NBEA: variants seen among roughly 807,000 people sequenced by gnomAD.
The protein encoded by NBEA is lysosomal-trafficking regulator 2.
A neutral mutation model predicts 343.4 loss-of-function variants in NBEA; 44 were observed. The observed-to-expected ratio is 0.13, with a 90% CI of 0.10 to 0.16. The LOEUF is 0.16. Ranked by LOEUF, NBEA falls within the 10% of genes least tolerant of loss-of-function variation. NBEA has a pLI of 1.00. For missense variants in NBEA, 2,555 were observed against 3,631.3 expected, an observed-to-expected ratio of 0.70 and a Z score of 7.62; for synonymous variants, 1,175 against 1,238.7, an observed-to-expected ratio of 0.95 and a Z score of 1.08.
intron 39 of NBEA, among the ~76,000 whole-genome samples, chr13:35,433,638 C>T (rs924981619): frequency 6.6e-6 from 1 of 151,624 alleles, no homozygotes; most frequent in African/African-American, 2.4e-5. Context: ...AACTGTTATA[C>T]CTAAGATAAA....
chr13:35,665,213 A>G (rs766031503), intron 56 of NBEA, 27 bp downstream of exon 56: 14 of 1,524,674 alleles, frequency 9.2e-6, no homozygotes, highest in African/African-American at 8.2e-5. Context: ...TTCATTTTCA[A>G]TGTCTAGAAG....
intron 40 of NBEA, among the ~76,000 whole-genome samples, chr13:35,456,500 A>G (rs2046586265): frequency 6.6e-6 from 1 of 152,078 alleles, no homozygotes; most frequent in East Asian, 1.9e-4. Context: ...GTGACTAAAG[A>G]TTTCAATTTA....
chr13:35,190,872 A>G (rs1478286596), intron 30 of NBEA, among the ~76,000 whole-genome samples: 1 of 152,164 alleles, frequency 6.6e-6, no homozygotes, highest in Non-Finnish European at 1.5e-5. Flanking sequence ...AAGTAATTAC[A>G]GGAAGCATTT....
At chr13:35,490,639 A>G (rs1334353578) in intron 41 of NBEA, among the ~76,000 whole-genome samples, 7 of 151,974 alleles carry the variant, frequency 4.6e-5, no homozygotes, top group Admixed American at 3.9e-4. Context: ...TTTTAAGAAC[A>G]TTTTTACATC....
At chr13:35,607,050 T>C (rs1179844242) in intron 48 of NBEA, among the ~76,000 whole-genome samples, 2 of 152,156 alleles carry the variant, frequency 1.3e-5, no homozygotes, top group African/African-American at 4.8e-5. Flanking sequence ...AGAAAACATC[T>C]TTTTTTGTTT....
At chr13:35,115,797 C>T (rs950284242) in intron 13 of NBEA, among the ~76,000 whole-genome samples, 3 of 152,256 alleles carry the variant, frequency 2.0e-5, no homozygotes, top group Admixed American at 6.5e-5. Flanking sequence ...GGGCCTGGTA[C>T]TAGTCTAATT....
intron 36 of NBEA, among the ~76,000 whole-genome samples, chr13:35,318,570 G>A (rs558218360): frequency 2.6e-5 from 4 of 152,092 alleles, no homozygotes; most frequent in Non-Finnish European, 4.4e-5. Flanking sequence ...TTCTTATTTT[G>A]TTGTGTCTCT....
At chr13:35,171,519 G>A in intron 26 of NBEA, 67 bp downstream of exon 26, 2 of 1,263,150 alleles carry the variant, frequency 1.6e-6, no homozygotes, top group Non-Finnish European at 2.2e-6. Context: ...AAAGCACTAT[G>A]GTACATAAAA....
intron 26 of NBEA, 22 bp downstream of exon 26, chr13:35,171,474 T>C (rs1460667663): frequency 3.2e-6 from 5 of 1,581,508 alleles, no homozygotes; most frequent in Non-Finnish European, 3.5e-6. Flanking sequence ...AAAACAATAG[T>C]GCATGTCAAA....
At chr13:35,128,810 A>G (rs1419247649) in intron 17 of NBEA, among the ~76,000 whole-genome samples, 1 of 152,166 alleles carries the variant, frequency 6.6e-6, no homozygotes, top group African/African-American at 2.4e-5. Flanking sequence ...AATTTCATTT[A>G]TACAAAGAGA....
intron 39 of NBEA, among the ~76,000 whole-genome samples, chr13:35,436,953 A>G (rs1306887895): frequency 6.6e-6 from 1 of 152,166 alleles, no homozygotes; most frequent in Non-Finnish European, 1.5e-5. Flanking sequence ...AATTACTTAG[A>G]AAGAAAATTT....
intron 1 of NBEA, among the ~76,000 whole-genome samples, chr13:34,956,303 C>T (rs2059488120): frequency 6.6e-6 from 1 of 151,328 alleles, no homozygotes; most frequent in Non-Finnish European, 1.5e-5. Context: ...TTAGTGTTTT[C>T]CATTTATAAA....
At chr13:35,262,498 A>T (rs2033293901) in intron 34 of NBEA, among the ~76,000 whole-genome samples, 1 of 152,226 alleles carries the variant, frequency 6.6e-6, no homozygotes, top group Non-Finnish European at 1.5e-5. Flanking sequence ...AAAGGGCCAC[A>T]CTTATAAACC....
rs1327392698 is a variant in NBEA at position 35,639,890 on chromosome 13, C to G, written c.7618-5979C>G. 2.0e-5 allele frequency among the ~76,000 whole-genome samples: 3 copies of G among 146,800 alleles called. No individual in the cohort carries two copies. In the East Asian group the frequency reaches 6.0e-4, roughly 29 times the overall value. On this transcript the variant is annotated intron_variant, in intron 49 of 58. Transcript: ENST00000379939. ...AGCCTGTATTATTAGCTCCTTCATG[C>G]TGTTTGTCATGGCTCTGTAGACCTG...
chr13:35,285,427 G>A (rs1269736331), intron 34 of NBEA, among the ~76,000 whole-genome samples: 1 of 152,160 alleles, frequency 6.6e-6, no homozygotes, highest in Admixed American at 6.6e-5. Flanking sequence ...GTATAGTCAT[G>A]TCTATTTGAT....
rs1361204515 is a variant in NBEA, at chr13:35,195,867, C to T, written c.4931C>T (p.Thr1644Ile). The change falls in exon 31 of 59, where the codon ACA (threonine) becomes ATA (isoleucine). Residue 1644 changes from threonine to isoleucine, a missense_variant. Around this residue, in one of 21 missense-constraint regions of NBEA, gnomAD observed 270 missense variants for 293.3 expected, o/e 0.92. Transcript: ENST00000379939. ...QSFGHSFYKE[T>I]PAAFPDTIKE... ...AACCTAGTTTCTTTCATTACAGAAA[C>T]ACCTGCTGCATTTCCAGACACCATA... 1.3e-6 allele frequency: 2 copies of T among 1,580,308 alleles called. No homozygotes were observed. The highest frequency in any genetic ancestry group is 2.2e-5 in the East Asian group (1 of 44,554).
chr13:35,030,783 A>C (rs1161772441), intron 1 of NBEA, among the ~76,000 whole-genome samples: 1 of 151,668 alleles, frequency 6.6e-6, no homozygotes, highest in Non-Finnish European at 1.5e-5. Context: ...CCATTACAAC[A>C]TCTGTAGTAA....
In NBEA at chr13:35,070,705, GT is replaced by G; in HGVS notation, c.1438-9del. ...CTATAGAAGTTTAATAAACATTTTT[GT>G]TTTTGGACATAGGATGTGAAAGCGA... On this transcript the variant is annotated splice_polypyrimidine_tract_variant and intron_variant, in intron 9 of 58. Transcript: ENST00000379939. The G allele has an allele frequency of 3.2e-6, 5 of 1,563,388 alleles. No homozygotes were observed. Among genetic ancestry groups the G allele is most frequent in the African/African-American group, 1.4e-5 (1 of 73,962 alleles).
At chr13:35,624,055 G>GGTGTGT (rs10561419) in intron 48 of NBEA, among the ~76,000 whole-genome samples, 3 of 147,408 alleles carry the variant, frequency 2.0e-5, no homozygotes, top group African/African-American at 7.7e-5. Context: ...TGTGTGTGTG[G>GGTGTGT]GTGTGTGTGT....
Sources: allele counts gnomAD v4.1 joint callset (sites outside exome capture counted in the v4.1 genomes callset), GRCh38; gene constraint gnomAD v4.1.1; regional missense constraint gnomAD v4.1.1; transcripts MANE v1.5; gene names NCBI Gene and HGNC (gene_info 2026-07-23, HGNC 2026-07-21).